OXR1: variants seen among roughly 807,000 people sequenced by gnomAD.
The protein encoded by OXR1 is oxidation resistance protein 1.
A neutral mutation model predicts 104.6 loss-of-function variants in OXR1; 41 were observed. The ratio of observed to expected loss-of-function variants is 0.39; its 90% CI spans 0.31 to 0.51. The LOEUF is 0.51. Ranked by LOEUF, OXR1 falls within the 20% of genes least tolerant of loss-of-function variation. The pLI is 0.77. For synonymous variants in OXR1, 348 were observed against 348.4 expected (o/e 1.00, Z 0.01); for missense variants, 955 against 1,031.9 (o/e 0.93, Z 1.02).
At chr8:106,372,106 G>T (rs1816731372) in intron 2 of OXR1, among the ~76,000 whole-genome samples, 1 of 152,246 alleles carries the variant, frequency 6.6e-6, no homozygotes, top group Non-Finnish European at 1.5e-5. Flanking sequence ...GAGGCTGTAA[G>T]AATCTGCCTG....
chr8:106,361,386 G>T (rs552930523), intron 2 of OXR1, among the ~76,000 whole-genome samples: 2 of 152,280 alleles, frequency 1.3e-5, no homozygotes, highest in East Asian at 1.9e-4. Flanking sequence ...ATTCTAGCTA[G>T]TGTTCTGCAT....
intron 2 of OXR1, among the ~76,000 whole-genome samples, chr8:106,408,538 A>G (rs983359462): frequency 1.3e-5 from 2 of 152,294 alleles, no homozygotes. Context: ...CCTCTTCCAA[A>G]ATAGAATTAT....
chr8:106,661,661 A>G (rs1825779297), intron 3 of OXR1, among the ~76,000 whole-genome samples: 1 of 152,216 alleles, frequency 6.6e-6, no homozygotes, highest in African/African-American at 2.4e-5. Context: ...AATCGTTTTT[A>G]TCATAAGCGT....
At chr8:106,339,973 T>C (rs1018347313) in intron 1 of OXR1, among the ~76,000 whole-genome samples, 2 of 152,166 alleles carry the variant, frequency 1.3e-5, no homozygotes, top group African/African-American at 2.4e-5. Flanking sequence ...TGATCTGATA[T>C]GTAAATTTTT....
chr8:106,374,928 C>A (rs181131874), intron 2 of OXR1, among the ~76,000 whole-genome samples: 4 of 152,088 alleles, frequency 2.6e-5, no homozygotes, highest in Non-Finnish European at 5.9e-5. Context: ...CATAGACTCC[C>A]GCTGTAATTG....
At chr8:106,331,129 A>T (rs573641225) in intron 1 of OXR1, among the ~76,000 whole-genome samples, 46 of 152,306 alleles carry the variant, frequency 3.0e-4, no homozygotes, top group African/African-American at 8.4e-4. Flanking sequence ...CATGCTTCTT[A>T]CTTGTTTGTG....
At chr8:106,676,229 A>T (rs1827576311) in intron 3 of OXR1, among the ~76,000 whole-genome samples, 1 of 152,058 alleles carries the variant, frequency 6.6e-6, no homozygotes, top group South Asian at 2.1e-4. Flanking sequence ...GGATCTCTTG[A>T]AGGCAGCATA....
At chr8:106,370,281 G>T (rs115759338) in intron 2 of OXR1, among the ~76,000 whole-genome samples, 1 of 152,190 alleles carries the variant, frequency 6.6e-6, no homozygotes, top group African/African-American at 2.4e-5. Flanking sequence ...TTGCTTATCA[G>T]TTCAAGAAGT....
intron 3 of OXR1, among the ~76,000 whole-genome samples, chr8:106,569,689 C>T (rs1438189285): frequency 1.3e-5 from 2 of 152,170 alleles, no homozygotes; most frequent in Non-Finnish European, 2.9e-5. Context: ...ATAAATTGTC[C>T]ATTGACATTC....
At chr8:106,568,593 C>G (rs997358892) in intron 3 of OXR1, among the ~76,000 whole-genome samples, 1 of 152,058 alleles carries the variant, frequency 6.6e-6, no homozygotes, top group Non-Finnish European at 1.5e-5. Context: ...TCCTGCTGTT[C>G]CCTTTTCCTT....
intron 3 of OXR1, among the ~76,000 whole-genome samples, chr8:106,658,556 A>T (rs1327018302): frequency 2.0e-5 from 3 of 152,194 alleles, no homozygotes; most frequent in Admixed American, 6.5e-5. Flanking sequence ...GGATTCTTGA[A>T]GAGCGCTGTG....
At chr8:106,277,254 A>C (rs1402250039) in intron 1 of OXR1, among the ~76,000 whole-genome samples, 4 of 152,216 alleles carry the variant, frequency 2.6e-5, no homozygotes, top group Non-Finnish European at 5.9e-5. Context: ...GTTTGTATTC[A>C]AATCTCTGTT....
chr8:106,486,575 T>C (rs914825075), intron 2 of OXR1, among the ~76,000 whole-genome samples: 2 of 152,168 alleles, frequency 1.3e-5, no homozygotes, highest in African/African-American at 4.8e-5. Context: ...AATTCCTTTG[T>C]CTTTTTTGCA....
At chr8:106,503,190 T>C (rs551613582) in intron 2 of OXR1, among the ~76,000 whole-genome samples, 2 of 152,276 alleles carry the variant, frequency 1.3e-5, no homozygotes, top group Admixed American at 6.5e-5. Context: ...CTCTCTTCCA[T>C]TTACACCTTC....
At chr8:106,384,826 T>C (rs903598812) in intron 2 of OXR1, among the ~76,000 whole-genome samples, 1 of 151,786 alleles carries the variant, frequency 6.6e-6, no homozygotes, top group Non-Finnish European at 1.5e-5. Context: ...GCTATTCTCC[T>C]GCCTCAGCCT....
Position 106,343,600 on chromosome 8 carries a change from A to C in OXR1, c.-138-15876A>C, listed in dbSNP as rs894667850. ...AGAGATTCATAATTATCTCATTGCA[A>C]CTGGGCCATGTGCCTACCCCAAAGG... On this transcript the variant is annotated intron_variant, in intron 1 of 16. Coordinates refer to ENST00000517566, the MANE Select transcript of OXR1 (RefSeq NM_001198533.2). 2.6e-5 allele frequency among the ~76,000 whole-genome samples: 4 copies of C among 152,336 alleles called. No individual in the cohort carries two copies. The East Asian group carries it at 7.7e-4, about 29-fold the overall frequency.
chr8:106,422,201 G>A (rs1373706033), intron 2 of OXR1, among the ~76,000 whole-genome samples: 1 of 152,106 alleles, frequency 6.6e-6, no homozygotes, highest in Non-Finnish European at 1.5e-5. Context: ...TCCTTTCGGA[G>A]CACTGGCTGA....
intron 3 of OXR1, among the ~76,000 whole-genome samples, chr8:106,593,107 T>C (rs1819226242): frequency 6.6e-6 from 1 of 152,234 alleles, no homozygotes. Context: ...TTGAACTCTG[T>C]ATATTTCAAG....
At chr8:106,421,870 G>A (rs1046073308) in intron 2 of OXR1, among the ~76,000 whole-genome samples, 7 of 118,352 alleles carry the variant, frequency 5.9e-5, no homozygotes, top group Admixed American at 1.6e-4. Context: ...TTAAATATAC[G>A]CAAGTTGATA....
Sources: allele counts gnomAD v4.1 joint callset (sites outside exome capture counted in the v4.1 genomes callset), GRCh38; gene constraint gnomAD v4.1.1; transcripts MANE v1.5; gene names NCBI Gene and HGNC (gene_info 2026-07-23, HGNC 2026-07-21).